The following SPAST variants were observed in gnomAD, a reference collection of about 807,000 sequenced individuals.
SPAST encodes spastin, also known as spastic paraplegia 4 (autosomal dominant; spastin).
A neutral mutation model predicts 76.6 loss-of-function variants in SPAST; 30 were observed. That is an observed-to-expected ratio of 0.39 (90% CI 0.29 to 0.53). The LOEUF (loss-of-function observed/expected upper bound fraction) is 0.53, where lower values mean the gene tolerates loss of function less well. SPAST is among the 20% of genes least tolerant of loss of function. The probability of loss-of-function intolerance (pLI) is 0.68; values close to 1 mark genes in which losing one functional copy is unlikely to be tolerated. For synonymous variants in SPAST, 305 were observed against 281.0 expected, an observed-to-expected ratio of 1.09 and a Z score of -0.86; for missense variants, 717 against 770.5, an observed-to-expected ratio of 0.93 and a Z score of 0.82.
chr2:32,110,241 C>G (rs1573107641), intron 4 of SPAST, among the ~76,000 whole-genome samples: 1 of 148,398 alleles, frequency 6.7e-6, no homozygotes, highest in African/African-American at 2.5e-5. Flanking sequence ...GCTTCAGTCT[C>G]CCGAGTACCT....
At chr2:32,116,795 T>A (rs900282465) in intron 7 of SPAST, among the ~76,000 whole-genome samples, 1 of 152,098 alleles carries the variant, frequency 6.6e-6, no homozygotes, top group Non-Finnish European at 1.5e-5. Flanking sequence ...GAGAGAGATT[T>A]AAAATTAAGA....
intron 1 of SPAST, among the ~76,000 whole-genome samples, chr2:32,081,831 G>A (rs1465374099): frequency 6.9e-6 from 1 of 144,594 alleles, no homozygotes; most frequent in African/African-American, 2.5e-5. Context: ...CAAATGCTGG[G>A]CTCATCTCTG....
Position 32,087,560 on chromosome 2 carries a change from G to A in SPAST, c.484G>A (p.Val162Ile), listed in dbSNP as rs141944844. ...GIEELEKGIAVIVTGQGEQCE... is the reference protein window; with the variant it reads ...GIEELEKGIAIIVTGQGEQCE... The stretch of plus-strand genomic sequence containing the variant: ...TGAAGAACTGGAAAAAGGAATAGCT[G>A]TTATAGTTACAGGACAAGGTAAGAT... Residue 162 changes from valine to isoleucine, a missense_variant, in exon 2 of 17, where the codon GTT (valine) becomes ATT (isoleucine). This residue lies in a region of SPAST where 543 missense variants were observed against 445.2 expected (regional missense o/e 1.22). Transcript: ENST00000315285. The A allele has an allele frequency of 1.6e-3, 2,530 of 1,596,058 alleles. 10 individuals carry two copies. Among genetic ancestry groups the A allele is most frequent in the Non-Finnish European group, 1.4e-3 (1,574 of 1,164,894 alleles).
chr2:32,118,335 T>G (rs201329328), intron 7 of SPAST, among the ~76,000 whole-genome samples: 1 of 152,228 alleles, frequency 6.6e-6, no homozygotes, highest in Non-Finnish European at 1.5e-5. Flanking sequence ...ATTTTACTTA[T>G]TACTCATTCT....
intron 7 of SPAST, among the ~76,000 whole-genome samples, chr2:32,119,645 AT>A (rs1356002915): frequency 1.3e-5 from 2 of 152,198 alleles, no homozygotes. Context: ...CATGTTTTTA[AT>A]TGTAGTTTAA....
At chr2:32,087,665 A>AC (rs1246479006) in intron 2 of SPAST, 87 bp downstream of exon 2, 1 of 398,666 alleles carries the variant, frequency 2.5e-6, no homozygotes, top group African/African-American at 2.7e-5. Flanking sequence ...TTATTTATTT[A>AC]TTTTTCTTTC....
intron 1 of SPAST, among the ~76,000 whole-genome samples, chr2:32,067,388 G>C (rs951330252): frequency 1.3e-5 from 2 of 152,036 alleles, no homozygotes; most frequent in South Asian, 4.1e-4. Flanking sequence ...TAACACTGTT[G>C]GTTGATGGGA....
intron 15 of SPAST, among the ~76,000 whole-genome samples, 199 bp downstream of exon 15, chr2:32,145,206 C>T (rs1679848714): frequency 6.6e-6 from 1 of 152,142 alleles, no homozygotes; most frequent in East Asian, 1.9e-4. Context: ...GATTCTCCCA[C>T]CCAGCCTTCC....
intron 9 of SPAST, among the ~76,000 whole-genome samples, chr2:32,136,259 C>T (rs1175512591): frequency 1.3e-5 from 2 of 152,150 alleles, no homozygotes; most frequent in Non-Finnish European, 2.9e-5. Flanking sequence ...CTCCCCTAGT[C>T]TTCCCCTTTT....
intron 7 of SPAST, among the ~76,000 whole-genome samples, chr2:32,125,358 A>G (rs13008192): frequency 0.37 from 56,718 of 151,758 alleles, 10,970 homozygotes; most frequent in East Asian, 0.64. Context: ...CGAGTAGCTG[A>G]GATTACAGGC....
At position 32,103,325 on chromosome 2, in the gene SPAST, T is replaced by A. The variant is rs1432997594; in HGVS notation, c.682+4434T>A. Among the ~76,000 whole-genome samples the A allele has an allele frequency of 2.6e-5, 4 of 152,310 alleles. No individual in the cohort carries two copies. The East Asian group carries it at 7.7e-4, about 29-fold the overall frequency. On this transcript the variant is annotated intron_variant, in intron 4 of 16. Transcript: ENST00000315285. ...ATCGGTGGTGATATCCCCTTTATCATTTCTTATTGCATCTATTTGATTCTT... is the reference window on the plus strand; with the variant it reads ...ATCGGTGGTGATATCCCCTTTATCAATTCTTATTGCATCTATTTGATTCTT...
intron 9 of SPAST, among the ~76,000 whole-genome samples, chr2:32,136,018 C>T (rs1179445317): frequency 6.7e-6 from 1 of 148,702 alleles, no homozygotes; most frequent in African/African-American, 2.5e-5. Context: ...GCAAAAGTCA[C>T]AGTGAGCCGA....
At chr2:32,070,655 G>A (rs889884459) in intron 1 of SPAST, among the ~76,000 whole-genome samples, 2 of 151,980 alleles carry the variant, frequency 1.3e-5, no homozygotes, top group African/African-American at 4.8e-5. Flanking sequence ...TTTGAGACAG[G>A]GCCTTGGTCT....
chr2:32,074,129 G>A (rs1319888859), intron 1 of SPAST, among the ~76,000 whole-genome samples: 1 of 152,088 alleles, frequency 6.6e-6, no homozygotes, highest in Non-Finnish European at 1.5e-5. Flanking sequence ...TTTTAAGGAG[G>A]GTTTAAAGAA....
intron 4 of SPAST, among the ~76,000 whole-genome samples, chr2:32,109,658 CA>C (rs1678457968): frequency 6.7e-6 from 1 of 149,706 alleles, no homozygotes; most frequent in African/African-American, 2.4e-5. Context: ...TCCCTTCTGT[CA>C]CTCTTCATAT....
intron 16 of SPAST, among the ~76,000 whole-genome samples, chr2:32,149,659 T>A: frequency 6.6e-6 from 1 of 152,216 alleles, no homozygotes; most frequent in East Asian, 1.9e-4. Context: ...TTATTCTTGT[T>A]ATTATTCCCT....
intron 5 of SPAST, 31 bp downstream of exon 5, chr2:32,114,856 C>G (rs1332783971): frequency 3.8e-6 from 6 of 1,578,952 alleles, no homozygotes; most frequent in South Asian, 1.1e-5. Flanking sequence ...TAATTGCTGT[C>G]TTTTTGCAAA....
intron 15 of SPAST, among the ~76,000 whole-genome samples, chr2:32,145,914 A>T (rs771535268): frequency 3.3e-5 from 5 of 152,320 alleles, no homozygotes; most frequent in Middle Eastern, 3.4e-3. Flanking sequence ...GTACAATTGA[A>T]TGTAGTTGTA....
intron 1 of SPAST, among the ~76,000 whole-genome samples, chr2:32,083,042 G>A (rs1193581977): frequency 6.6e-6 from 1 of 151,918 alleles, no homozygotes. Flanking sequence ...CGCAATCACA[G>A]CTCACTGCAA....
Sources: allele counts gnomAD v4.1 joint callset (sites outside exome capture counted in the v4.1 genomes callset), GRCh38; gene constraint gnomAD v4.1.1; regional missense constraint gnomAD v4.1.1; transcripts MANE v1.5; gene names NCBI Gene and HGNC (gene_info 2026-07-23, HGNC 2026-07-21).